Variants in LRP1B observed in about 807,000 individuals in gnomAD.
LRP1B encodes LDL receptor related protein 1B.
LRP1B carries 217 observed loss-of-function variants against 556.6 expected under a neutral mutation model. The ratio of observed to expected loss-of-function variants is 0.39; its 90% confidence interval spans 0.35 to 0.44. The LOEUF (loss-of-function observed/expected upper bound fraction) is 0.44. LRP1B is among the 20% of genes least tolerant of loss of function. LRP1B has a pLI of 1.00. For missense variants in LRP1B, 5,053 were observed against 5,620.8 expected, an observed-to-expected ratio of 0.90 and a Z score of 3.23; for synonymous variants, 2,047 against 1,865.8, an observed-to-expected ratio of 1.10 and a Z score of -2.50.
intron 51 of LRP1B, among the ~76,000 whole-genome samples, chr2:140,512,178 A>G (rs1689694543): frequency 6.6e-6 from 1 of 152,314 alleles, no homozygotes; most frequent in South Asian, 2.1e-4. Context: ...CTAGTGTCTG[A>G]ATTACCCTAT....
chr2:140,824,630 T>C (rs1013389865), intron 31 of LRP1B, among the ~76,000 whole-genome samples: 2 of 152,142 alleles, frequency 1.3e-5, no homozygotes, highest in Non-Finnish European at 2.9e-5. Context: ...CCCAGGTGCA[T>C]ATACATAATA....
chr2:141,515,781 T>C (rs76275539), intron 2 of LRP1B, among the ~76,000 whole-genome samples: 89 of 152,222 alleles, frequency 5.8e-4, no homozygotes, highest in African/African-American at 2.1e-3. Flanking sequence ...GAATAAAAAG[T>C]TTATTATGGC....
At chr2:140,671,507 C>T (rs1168518551) in intron 41 of LRP1B, among the ~76,000 whole-genome samples, 1 of 152,076 alleles carries the variant, frequency 6.6e-6, no homozygotes, top group Non-Finnish European at 1.5e-5. Context: ...GGCAACAGAG[C>T]GAGACTCCAT....
At chr2:140,952,280 C>T (rs1170047847) in intron 18 of LRP1B, among the ~76,000 whole-genome samples, 1 of 152,076 alleles carries the variant, frequency 6.6e-6, no homozygotes, top group African/African-American at 2.4e-5. Context: ...GCTATTGGAG[C>T]TGTACACTCT....
At chr2:140,889,670 C>T (rs1364796276) in intron 23 of LRP1B, among the ~76,000 whole-genome samples, 1 of 152,078 alleles carries the variant, frequency 6.6e-6, no homozygotes, top group East Asian at 1.9e-4. Context: ...GTTGTTACCC[C>T]CATTTTACAC....
intron 2 of LRP1B, among the ~76,000 whole-genome samples, chr2:141,483,243 G>C (rs1233698486): frequency 2.0e-5 from 3 of 150,346 alleles, no homozygotes; most frequent in South Asian, 2.1e-4. Context: ...ATAGTTTGCT[G>C]AGAATGATGG....
At chr2:141,755,283 T>A (rs1199098474) in intron 2 of LRP1B, among the ~76,000 whole-genome samples, 1 of 152,014 alleles carries the variant, frequency 6.6e-6, no homozygotes. Flanking sequence ...GAAGTTAGAA[T>A]CCCTAATGTA....
chr2:140,414,496 G>T (rs1426912168), intron 66 of LRP1B, among the ~76,000 whole-genome samples: 1 of 152,066 alleles, frequency 6.6e-6, no homozygotes, highest in Non-Finnish European at 1.5e-5. Flanking sequence ...ATAAAAATAT[G>T]CCCTGGTTGA....
chr2:140,300,413 G>T (rs573433454), intron 83 of LRP1B, among the ~76,000 whole-genome samples: 7 of 152,218 alleles, frequency 4.6e-5, no homozygotes, highest in African/African-American at 1.7e-4. Context: ...CATTTACAGA[G>T]ATTTTTAGGT....
intron 41 of LRP1B, among the ~76,000 whole-genome samples, chr2:140,631,444 A>T (rs898636157): frequency 1.3e-5 from 2 of 152,246 alleles, no homozygotes; most frequent in African/African-American, 4.8e-5. Flanking sequence ...CAGTTGGGTA[A>T]TGTAAGCACA....
At chr2:140,738,153 C>A (rs1688010866) in intron 35 of LRP1B, among the ~76,000 whole-genome samples, 1 of 152,100 alleles carries the variant, frequency 6.6e-6, no homozygotes, top group South Asian at 2.1e-4. Context: ...GCAGCTCTTG[C>A]CAAGCCACTT....
chr2:141,814,860 G>A (rs990322410), intron 1 of LRP1B, among the ~76,000 whole-genome samples: 2 of 150,868 alleles, frequency 1.3e-5, no homozygotes, highest in Admixed American at 1.3e-4. Flanking sequence ...AAGAGGGTGG[G>A]GCATGAACAG....
At chr2:141,916,185 GC>G (rs944447974) in intron 1 of LRP1B, among the ~76,000 whole-genome samples, 4 of 152,010 alleles carry the variant, frequency 2.6e-5, no homozygotes, top group African/African-American at 9.7e-5. Context: ...GGTGCTGATG[GC>G]TGGTGGATTG....
chr2:140,387,577 AT>A (rs34523312), intron 66 of LRP1B, among the ~76,000 whole-genome samples: 13,356 of 148,790 alleles, frequency 0.09, 691 homozygotes, highest in Middle Eastern at 0.14. Context: ...GCATTTTTCT[AT>A]TTTTTTTTTT....
At chr2:140,660,910 GA>G (rs1685069467) in intron 41 of LRP1B, among the ~76,000 whole-genome samples, 1 of 148,548 alleles carries the variant, frequency 6.7e-6, no homozygotes, top group African/African-American at 2.5e-5. Context: ...ATTGCATTTA[GA>G]AAAGACAAGC....
Position 141,544,322 on chromosome 2 carries a change from C to CTTCTTCTT in LRP1B, c.206-63797_206-63790dup, listed in dbSNP as rs1354469445. Among the ~76,000 whole-genome samples, 378 of 50,144 alleles carry CTTCTTCTT rather than the reference C, an allele frequency of 7.5e-3. 19 individuals carry two copies. The highest frequency in any genetic ancestry group is 0.044 in the East Asian group (52 of 1,186). 32.9% of individuals were successfully genotyped at this position (50,144 alleles called of 152,430 possible). On this transcript the variant is annotated intron_variant, in intron 2 of 90. Transcript: ENST00000389484. The stretch of plus-strand genomic sequence containing the variant: ...TCTTCTTCTTCTTCTTCTTCTTCTT[C>CTTCTTCTT]TTCTTCTTCTTCTTCTTCTTCTTCT...
At chr2:140,360,120 C>G (rs1275085809) in intron 72 of LRP1B, among the ~76,000 whole-genome samples, 1 of 151,648 alleles carries the variant, frequency 6.6e-6, no homozygotes, top group African/African-American at 2.4e-5. Flanking sequence ...TTAACATATT[C>G]ATGTAACCAT....
chr2:141,715,243 A>G (rs1692534794), intron 2 of LRP1B, among the ~76,000 whole-genome samples: 1 of 152,026 alleles, frequency 6.6e-6, no homozygotes, highest in African/African-American at 2.4e-5. Context: ...CAAGGTGGGA[A>G]GATCACTTGA....
chr2:141,020,492 A>G (rs554977799), intron 11 of LRP1B, among the ~76,000 whole-genome samples: 16 of 152,168 alleles, frequency 1.1e-4, no homozygotes, highest in East Asian at 5.8e-4. Context: ...TCTGAAGAAA[A>G]ATCTACTAGT....
Sources: allele counts gnomAD v4.1 joint callset (sites outside exome capture counted in the v4.1 genomes callset), GRCh38; gene constraint gnomAD v4.1.1; transcripts MANE v1.5; gene names NCBI Gene and HGNC (gene_info 2026-07-23, HGNC 2026-07-21).